The following AMPD3 variants were observed in gnomAD, a reference collection of about 807,000 sequenced individuals.
AMPD3 encodes the protein adenosine monophosphate deaminase 3.
AMPD3 carries 57 observed loss-of-function variants against 82.3 expected under a neutral mutation model. The observed-to-expected ratio is 0.69, with a 90% CI of 0.56 to 0.86. AMPD3 has a LOEUF of 0.86. Among genes scored for constraint, AMPD3 ranks in the 40% least tolerant of loss-of-function variants. The pLI, the probability that AMPD3 is intolerant of heterozygous loss-of-function variation, is 0.00. For missense variants in AMPD3, 870 were observed against 1,003.8 expected (o/e 0.87, Z 1.80); for synonymous variants, 381 against 394.7 (o/e 0.97, Z 0.41).
intron 9 of AMPD3, 189 bp from the exon 10 acceptor site, chr11:10,496,623 C>A: frequency 6.9e-7 from 1 of 1,442,906 alleles, no homozygotes; most frequent in Non-Finnish European, 9.3e-7. Context: ...GCTTGCAAAC[C>A]AAGGCAGAAT....
intron 1 of AMPD3, among the ~76,000 whole-genome samples, chr11:10,460,160 C>A (rs908485814): frequency 6.7e-6 from 1 of 150,180 alleles, no homozygotes; most frequent in Non-Finnish European, 1.5e-5. Context: ...TGCAGTAGTA[C>A]GATCATAACT....
In AMPD3 at chr11:10,500,158, C is replaced by A; in HGVS notation, c.1630C>A (p.Pro544Thr). 1.2e-6 allele frequency: 2 copies of A among 1,614,214 alleles called. No homozygotes were observed. The highest frequency in any genetic ancestry group is 1.6e-4 in the Middle Eastern group (1 of 6,062). ...CATGTTTTCCGACAAGAGCCCAAAC[C>A]CGGACGTCTGGACCAGTGAGCAGAA... ...DHMFSDKSPNPDVWTSEQNPP... is the reference protein window; with the variant it reads ...DHMFSDKSPNTDVWTSEQNPP... Residue 544 changes from proline (P) to threonine (T), a missense_variant, in exon 11 of 15, where the codon CCG (proline) becomes ACG (threonine). By Grantham distance (38) the Pro-to-Thr change is conservative (BLOSUM62 -1). Coordinates refer to ENST00000396553, the MANE Select transcript of AMPD3 (RefSeq NM_001025389.2).
At chr11:10,465,870 CA>C (rs1848406647) in intron 2 of AMPD3, among the ~76,000 whole-genome samples, 1 of 148,816 alleles carries the variant, frequency 6.7e-6, no homozygotes, top group Non-Finnish European at 1.5e-5. Flanking sequence ...GGAGCGCCAG[CA>C]AGACAGAATC....
At chr11:10,501,001 G>A in intron 11 of AMPD3, 3 of 985,446 alleles carry the variant, frequency 3.0e-6, no homozygotes, top group Non-Finnish European at 3.6e-6. Context: ...CAGGGTGGAG[G>A]CAGTCCTGGG....
chr11:10,478,462 G>A, intron 2 of AMPD3, 64 bp from the exon 3 acceptor site: 2 of 1,600,926 alleles, frequency 1.2e-6, no homozygotes, highest in Admixed American at 3.3e-5. Context: ...ACAGCAAAGA[G>A]TCTTTATCAC....
chr11:10,478,750 G>A lies in AMPD3; in HGVS notation c.426+20G>A, dbSNP rs1481877658. 5.6e-6 allele frequency: 9 copies of A among 1,607,208 alleles called. No individual in the cohort carries two copies. Among genetic ancestry groups the A allele is most frequent in the Non-Finnish European group, 6.8e-6 (8 of 1,179,840 alleles). On this transcript the variant is annotated intron_variant, in intron 3 of 14. Transcript: ENST00000396553. ...GCCGGGGTAAGGCGTCTGTGAGAGT[G>A]TTGAATGTGCCTTGCATGCAAAGGC...
At chr11:10,481,983 A>G in intron 3 of AMPD3, 80 bp from the exon 4 acceptor site, 1 of 1,583,076 alleles carries the variant, frequency 6.3e-7, no homozygotes, top group Non-Finnish European at 8.7e-7. Flanking sequence ...GCAAGGGCCA[A>G]TCTTGCAAGC....
In AMPD3 at chr11:10,455,330, T is replaced by G; in HGVS notation, c.-124T>G. On this transcript the variant is annotated 5_prime_UTR_variant, in exon 1 of 15. Coordinates refer to ENST00000396553, the MANE Select transcript of AMPD3 (RefSeq NM_001025389.2). Reference sequence around the variant, plus strand: ...GTGATGCCATTTTAATCAACCCTGCTTGGTTTTAGAGGATTGCTCCTGTGG... The same window carrying G: ...GTGATGCCATTTTAATCAACCCTGCGTGGTTTTAGAGGATTGCTCCTGTGG... 1.0e-6 allele frequency: 1 copy of G among 985,436 alleles called. No individual in the cohort carries two copies. The highest frequency in any genetic ancestry group is 1.2e-6 in the Non-Finnish European group (1 of 829,986). The allele number at this position is 985,436 out of a possible 1,614,324, so 61.0% of individuals were successfully genotyped here.
intron 3 of AMPD3, 127 bp from the exon 4 acceptor site, chr11:10,481,936 T>G: frequency 1.7e-6 from 2 of 1,148,814 alleles, no homozygotes; most frequent in Non-Finnish European, 1.3e-6. Flanking sequence ...CAAGGAGTGG[T>G]GAGAACCCTC....
chr11:10,503,405 G>T (rs187755488), intron 13 of AMPD3, among the ~76,000 whole-genome samples: 1 of 152,140 alleles, frequency 6.6e-6, no homozygotes, highest in Non-Finnish European at 1.5e-5. Flanking sequence ...GGGACTAGCC[G>T]CAAGTATACC....
chr11:10,488,001 A>G (rs1276194749), intron 6 of AMPD3, among the ~76,000 whole-genome samples: 1 of 151,986 alleles, frequency 6.6e-6, no homozygotes, highest in African/African-American at 2.4e-5. Flanking sequence ...AATAAAATTT[A>G]AATTCCCTGA....
rs543316847 is a variant in AMPD3 at position 10,490,426 on chromosome 11, C to T, written c.940-2923C>T. On this transcript the variant is annotated intron_variant, in intron 6 of 14. Coordinates refer to ENST00000396553, the MANE Select transcript of AMPD3 (RefSeq NM_001025389.2). ...AGCTTAGTGAAAAGAGTGCTGTGTT[C>T]GATTATTGATGCCTGCCATGGGTAT... 1.1e-4 allele frequency: 100 copies of T among 943,212 alleles called. No individual in the cohort carries two copies. In the African/African-American group the frequency reaches 1.7e-3, roughly 16 times the overall value. The allele number at this position is 943,212 out of a possible 1,614,324, so 58.4% of individuals were successfully genotyped here. A position where few individuals can be genotyped will look rare whatever the true frequency, so the allele number is the denominator to read the frequency against.
chr11:10,496,533 G>A (rs1199444007), intron 9 of AMPD3: 5 of 985,300 alleles, frequency 5.1e-6, no homozygotes, highest in Admixed American at 6.1e-5. Context: ...TCAGTCTCTT[G>A]GTCAGCCAGA....
rs1446560493 is a variant in AMPD3, at chr11:10,478,571, A to T, written c.267A>T (p.Gln89His). The change falls in exon 3 of 15, where the codon CAA (glutamine) becomes CAT (histidine). Residue 89 changes from glutamine (Q) to histidine (H), a missense_variant. Physicochemically the swap from Gln to His is conservative, Grantham distance 24. Coordinates refer to ENST00000396553, the MANE Select transcript of AMPD3 (RefSeq NM_001025389.2). ...TTCGGTCCCAGTCCCTGTCTCTGCA[A>T]ATGCCGCCACAGCAAGATTGGAAGG... Reference protein sequence around the residue: ...KMIRSQSLSLQMPPQQDWKGP... With the variant: ...KMIRSQSLSLHMPPQQDWKGP... 9 of 1,614,050 alleles carry T rather than the reference A, an allele frequency of 5.6e-6. No homozygotes were observed. The highest frequency in any genetic ancestry group is 7.6e-6 in the Non-Finnish European group (9 of 1,180,038).
At chr11:10,497,643 T>C in intron 10 of AMPD3, 2 of 985,262 alleles carry the variant, frequency 2.0e-6, no homozygotes, top group Non-Finnish European at 2.4e-6. Flanking sequence ...CTGGACAAGC[T>C]GAGGGACATC....
intron 5 of AMPD3, among the ~76,000 whole-genome samples, chr11:10,485,709 C>T (rs1439074042): frequency 6.8e-6 from 1 of 148,086 alleles, no homozygotes; most frequent in Non-Finnish European, 1.5e-5. Context: ...GACATTGCTT[C>T]AGGCCTTGAG....
At chr11:10,484,682 G>T in intron 4 of AMPD3, 138 bp from the exon 5 acceptor site, 1 of 1,230,666 alleles carries the variant, frequency 8.1e-7, no homozygotes. Flanking sequence ...AAGGAAGCAG[G>T]GAAGAGCATA....
At chr11:10,504,495 C>T (rs1367016458) in intron 13 of AMPD3, 54 bp from the exon 14 acceptor site, 32 of 1,544,200 alleles carry the variant, frequency 2.1e-5, no homozygotes, top group African/African-American at 6.8e-5. Context: ...CATGTGTGAA[C>T]GATTGACATG....
intron 4 of AMPD3, 133 bp downstream of exon 4, chr11:10,482,358 C>A: frequency 9.5e-7 from 1 of 1,050,814 alleles, no homozygotes; most frequent in Non-Finnish European, 1.4e-6. Context: ...GCTTCTCCCA[C>A]ACTGATGTTT....
Sources: gnomAD v4.1 joint callset for allele counts (sites outside exome capture counted in the v4.1 genomes callset) on GRCh38, gnomAD v4.1.1 for gene constraint, MANE v1.5 for transcripts, NCBI Gene and HGNC (gene_info 2026-07-23, HGNC 2026-07-21) for gene names.